The following TCF4 variants were observed in gnomAD, a reference collection of about 807,000 sequenced individuals.
The protein encoded by TCF4 is SL3-3 enhancer factor 2.
In TCF4, 3 loss-of-function variants were observed where a neutral mutation model predicts 82.1. The ratio of observed to expected loss-of-function variants is 0.04; its 90% CI spans 0.02 to 0.09. The LOEUF is 0.09. Among genes scored for constraint, TCF4 ranks in the 10% least tolerant of loss-of-function variants. The pLI is 1.00. For missense variants in TCF4, 518 were observed against 852.7 expected, an observed-to-expected ratio of 0.61 and a Z score of 4.89; for synonymous variants, 276 against 309.6, an observed-to-expected ratio of 0.89 and a Z score of 1.14.
At chr18:55,425,759 C>T (rs557372045) in intron 5 of TCF4, among the ~76,000 whole-genome samples, 7 of 152,160 alleles carry the variant, frequency 4.6e-5, no homozygotes, top group South Asian at 4.1e-4. Flanking sequence ...AACTAAAACA[C>T]GATCTCCTCC....
chr18:55,279,430 G>A (rs1244727049), intron 9 of TCF4, 121 bp downstream of exon 9: 12 of 1,432,492 alleles, frequency 8.4e-6, no homozygotes, highest in Non-Finnish European at 1.1e-5. Flanking sequence ...CCTAAGAAGA[G>A]CATGACTTCA....
intron 15 of TCF4, among the ~76,000 whole-genome samples, chr18:55,239,676 T>G (rs2144890299): frequency 6.6e-6 from 1 of 152,330 alleles, no homozygotes; most frequent in African/African-American, 2.4e-5. Flanking sequence ...ATTATAAAAT[T>G]TAATATTTGC....
At position 55,259,957 on chromosome 18, in the gene TCF4, G is replaced by C. The variant is rs1215635705; in HGVS notation, c.1061C>G (p.Ser354Cys). The C allele has an allele frequency of 6.2e-7, 1 of 1,611,518 alleles. No homozygotes were observed. The highest frequency in any genetic ancestry group is 1.7e-5 in the Admixed American group (1 of 59,984). Reference sequence around the variant, plus strand: ...GATTTGAAATACACTACCTGAGAGAGATGGAGGAGAGCCAACAGGAGTTGA... The same window carrying C: ...GATTTGAAATACACTACCTGAGAGACATGGAGGAGAGCCAACAGGAGTTGA... ...NPSTPVGSPP[S>C]LSAGTAVWSR... The change falls in exon 13 of 20, where the codon TCT (serine) becomes TGT (cysteine). Residue 354 changes from serine to cysteine, a missense_variant. This residue lies in a region of TCF4 where 211 missense variants were observed against 327.4 expected (regional missense o/e 0.64). Coordinates refer to ENST00000354452, the MANE Select transcript of TCF4 (RefSeq NM_001083962.2).
intron 5 of TCF4, among the ~76,000 whole-genome samples, chr18:55,428,240 T>C (rs9320016): frequency 0.49 from 74,563 of 152,064 alleles, 20,443 homozygotes; most frequent in South Asian, 0.65. Flanking sequence ...GCATAGCTTC[T>C]ATAACATCAC....
chr18:55,312,357 TC>T (rs2072781280), intron 8 of TCF4, among the ~76,000 whole-genome samples: 1 of 152,176 alleles, frequency 6.6e-6, no homozygotes, highest in African/African-American at 2.4e-5. Flanking sequence ...TATTAAAGAT[TC>T]CAAAAACAAG....
chr18:55,457,804 T>C (rs1278382442), intron 5 of TCF4, among the ~76,000 whole-genome samples: 1 of 152,240 alleles, frequency 6.6e-6, no homozygotes, highest in East Asian at 1.9e-4. Flanking sequence ...ATAGAAGTAT[T>C]ATGTTTAAAA....
intron 3 of TCF4, among the ~76,000 whole-genome samples, chr18:55,499,166 T>C (rs2096670006): frequency 6.6e-6 from 1 of 152,164 alleles, no homozygotes; most frequent in Admixed American, 6.5e-5. Flanking sequence ...TTTCTTGGAG[T>C]ATACAGGGAC....
chr18:55,600,825 A>G (rs2147944796), intron 2 of TCF4, among the ~76,000 whole-genome samples: 1 of 152,326 alleles, frequency 6.6e-6, no homozygotes, highest in South Asian at 2.1e-4. Flanking sequence ...AACATATAAG[A>G]CTATTTTTTG....
chr18:55,473,091 A>T (rs1196544217), intron 3 of TCF4, among the ~76,000 whole-genome samples: 1 of 152,234 alleles, frequency 6.6e-6, no homozygotes, highest in African/African-American at 2.4e-5. Flanking sequence ...CTTCAGATAT[A>T]CAAACTGGTA....
chr18:55,321,601 A>AC lies in TCF4; in HGVS notation c.549+28757dup. 3 of 1,534,472 alleles carry AC rather than the reference A, an allele frequency of 2.0e-6. No individual in the cohort carries two copies. The South Asian group carries it at 3.6e-5, about 18-fold the overall frequency. On this transcript the variant is annotated intron_variant, in intron 8 of 19. Transcript: ENST00000354452. ...CACAACTTTGCAAACAATGATCACC[A>AC]CCTAGGATGCTCATCCCTGCGACAA...
At chr18:55,332,204 C>T (rs536991998) in intron 8 of TCF4, 22 of 152,044 alleles carry the variant, frequency 1.4e-4, no homozygotes, top group East Asian at 3.9e-4. Flanking sequence ...TTCCTGATGA[C>T]GTAGAAGAAA....
At chr18:55,372,478 A>T (rs2089537164) in intron 6 of TCF4, among the ~76,000 whole-genome samples, 1 of 152,146 alleles carries the variant, frequency 6.6e-6, no homozygotes, top group Non-Finnish European at 1.5e-5. Flanking sequence ...CAAAAATGTG[A>T]CAGAAAAAGG....
chr18:55,579,860 A>G (rs2097560313), intron 3 of TCF4, among the ~76,000 whole-genome samples: 1 of 152,060 alleles, frequency 6.6e-6, no homozygotes, highest in African/African-American at 2.4e-5. Flanking sequence ...GAAAGCAAAA[A>G]GGAATAATTT....
At chr18:55,621,514 T>TATAATATATATTATATATAATGTACATTA in intron 2 of TCF4, among the ~76,000 whole-genome samples, 317 of 17,856 alleles carry the variant, frequency 0.018, 85 homozygotes, top group African/African-American at 0.078. Context: ...TATATATATA[T>TATAATATATATTATATATAATGTACATTA]TATATAATAT....
At chr18:55,333,830 T>A (rs1396838457) in intron 8 of TCF4, among the ~76,000 whole-genome samples, 1 of 152,186 alleles carries the variant, frequency 6.6e-6, no homozygotes, top group East Asian at 1.9e-4. Context: ...TGTTGTTGAG[T>A]TTGAAGCACA....
At chr18:55,584,167 T>C (rs2097607900) in intron 3 of TCF4, among the ~76,000 whole-genome samples, 1 of 152,160 alleles carries the variant, frequency 6.6e-6, no homozygotes. Context: ...TATAAAAATA[T>C]ACCAATTATA....
At position 55,511,039 on chromosome 18, in the gene TCF4, T is replaced by C. The variant is rs191956048; in HGVS notation, c.146-46902A>G. On this transcript the variant is annotated intron_variant, in intron 3 of 19. Transcript: ENST00000354452. ...TTCAACATGCCTCTCTTGGAGATGT[T>C]TGTAAATTTCCTTCCTTTACGCATC... Among the ~76,000 whole-genome samples, 4 of 152,278 alleles carry C rather than the reference T, an allele frequency of 2.6e-5. No homozygotes were observed. In the East Asian group the frequency reaches 7.7e-4, roughly 29 times the overall value.
intron 11 of TCF4, among the ~76,000 whole-genome samples, chr18:55,264,345 C>T (rs1329247790): frequency 6.6e-6 from 1 of 152,170 alleles, no homozygotes; most frequent in Non-Finnish European, 1.5e-5. Flanking sequence ...TACCTTGCAA[C>T]AGCTGGAGTG....
chr18:55,338,412 G>A (rs2079100281), intron 8 of TCF4, among the ~76,000 whole-genome samples: 1 of 152,184 alleles, frequency 6.6e-6, no homozygotes, highest in African/African-American at 2.4e-5. Flanking sequence ...AAATGGCCAT[G>A]AGTGCCTCTT....
Sources: allele counts gnomAD v4.1 joint callset (sites outside exome capture counted in the v4.1 genomes callset), GRCh38; gene constraint gnomAD v4.1.1; regional missense constraint gnomAD v4.1.1; transcripts MANE v1.5; gene names NCBI Gene and HGNC (gene_info 2026-07-23, HGNC 2026-07-21).